Variants in DDR2 observed in about 807,000 individuals in gnomAD.
DDR2 encodes the protein discoidin domain receptor tyrosine kinase 2.
A neutral mutation model predicts 94.9 loss-of-function variants in DDR2; 27 were observed. That is an observed-to-expected ratio of 0.28 (90% confidence interval 0.21 to 0.39). The LOEUF (loss-of-function observed/expected upper bound fraction) is 0.39, where lower values mean the gene tolerates loss of function less well. Among genes scored for constraint, DDR2 ranks in the 10% least tolerant of loss-of-function variants. The probability of loss-of-function intolerance (pLI) is 1.00; values close to 1 mark genes in which losing one functional copy is unlikely to be tolerated. For synonymous variants in DDR2, 382 were observed against 377.2 expected (o/e 1.01, Z -0.15); for missense variants, 783 against 1,076.0 (o/e 0.73, Z 3.81).
chr1:162,650,901 G>C (rs948095849), intron 1 of DDR2, among the ~76,000 whole-genome samples: 1 of 152,044 alleles, frequency 6.6e-6, no homozygotes, highest in Non-Finnish European at 1.5e-5. Context: ...GCTAATTTTT[G>C]TATTTTTAGT....
intron 7 of DDR2, among the ~76,000 whole-genome samples, chr1:162,758,925 A>G (rs2665494): frequency 5.9e-5 from 9 of 152,266 alleles, no homozygotes; most frequent in African/African-American, 1.7e-4. Context: ...CTGTCCCTCC[A>G]TAAAAAGAAG....
chr1:162,757,896 G>A (rs1663534478), intron 7 of DDR2, among the ~76,000 whole-genome samples: 1 of 152,138 alleles, frequency 6.6e-6, no homozygotes, highest in African/African-American at 2.4e-5. Context: ...GTGAGAAAAA[G>A]GGTCAGATGA....
intron 3 of DDR2, among the ~76,000 whole-genome samples, chr1:162,725,178 T>C (rs1377904384): frequency 6.6e-6 from 1 of 152,146 alleles, no homozygotes; most frequent in Admixed American, 6.6e-5. Context: ...TATATAATAG[T>C]AGTATTATTA....
At chr1:162,679,192 C>T (rs1571187524) in intron 2 of DDR2, among the ~76,000 whole-genome samples, 1 of 152,042 alleles carries the variant, frequency 6.6e-6, no homozygotes, top group Non-Finnish European at 1.5e-5. Flanking sequence ...TCTCTCCCTC[C>T]TCCCACTGAC....
At position 162,773,613 on chromosome 1, in the gene DDR2, T is replaced by G; in HGVS notation, c.1856+17T>G. On this transcript the variant is annotated intron_variant, in intron 14 of 17. Coordinates refer to ENST00000367921, the MANE Select transcript of DDR2 (RefSeq NM_006182.4). ...GAATGCCAGGTCTGTGGTCTACATT[T>G]TGAATTTTCCTTTAGGTATTTCATC... The G allele has an allele frequency of 1.9e-6, 3 of 1,613,708 alleles. No homozygotes were observed. Among genetic ancestry groups the G allele is most frequent in the Non-Finnish European group, 2.5e-6 (3 of 1,179,704 alleles).
At chr1:162,635,812 C>T (rs1656790096) in intron 1 of DDR2, among the ~76,000 whole-genome samples, 1 of 152,222 alleles carries the variant, frequency 6.6e-6, no homozygotes, top group African/African-American at 2.4e-5. Context: ...GTACTTTGAA[C>T]TGCTCCCCAG....
At chr1:162,751,589 C>T (rs542876250) in intron 3 of DDR2, among the ~76,000 whole-genome samples, 117 of 152,256 alleles carry the variant, frequency 7.7e-4, no homozygotes, top group African/African-American at 2.6e-3. Flanking sequence ...GACAGTGTGG[C>T]GATTCCTCAA....
At chr1:162,692,807 A>G (rs1446165679) in intron 2 of DDR2, among the ~76,000 whole-genome samples, 22 of 152,268 alleles carry the variant, frequency 1.4e-4, no homozygotes, top group Non-Finnish European at 3.2e-4. Flanking sequence ...ATGACCCAGC[A>G]TATGATATGA....
intron 2 of DDR2, among the ~76,000 whole-genome samples, chr1:162,708,836 A>G (rs183383370): frequency 6.6e-6 from 1 of 152,234 alleles, no homozygotes; most frequent in Admixed American, 6.5e-5. Context: ...CTTACTGAGT[A>G]CTTACTATAT....
chr1:162,678,041 G>T (rs1659223420), intron 2 of DDR2, among the ~76,000 whole-genome samples: 1 of 152,090 alleles, frequency 6.6e-6, no homozygotes, highest in African/African-American at 2.4e-5. Context: ...TGGTGAAACC[G>T]AAAGTCAGTA....
chr1:162,657,900 C>T (rs749282345), intron 2 of DDR2, among the ~76,000 whole-genome samples: 2 of 152,056 alleles, frequency 1.3e-5, no homozygotes, highest in Non-Finnish European at 2.9e-5. Flanking sequence ...CCTTCCAACG[C>T]CCCCACCTCG....
chr1:162,641,333 C>T (rs1377277962), intron 1 of DDR2, among the ~76,000 whole-genome samples: 1 of 152,202 alleles, frequency 6.6e-6, no homozygotes, highest in African/African-American at 2.4e-5. Flanking sequence ...GATCTTCACC[C>T]TAGTTGTCAC....
chr1:162,712,265 G>A (rs1251502989), intron 2 of DDR2, among the ~76,000 whole-genome samples: 7 of 149,522 alleles, frequency 4.7e-5, no homozygotes, highest in Non-Finnish European at 7.4e-5. Flanking sequence ...CTTATAGGTA[G>A]GAGCAAACCC....
chr1:162,672,390 T>G (rs2101939809), intron 2 of DDR2, among the ~76,000 whole-genome samples: 1 of 152,312 alleles, frequency 6.6e-6, no homozygotes, highest in South Asian at 2.1e-4. Context: ...CTTGACTTTT[T>G]GCGTTTCTAA....
chr1:162,759,997 T>G lies in DDR2; in HGVS notation c.855+18T>G. The G allele has an allele frequency of 1.2e-6, 2 of 1,613,868 alleles. No individual in the cohort carries two copies. Among genetic ancestry groups the G allele is most frequent in the Non-Finnish European group, 1.7e-6 (2 of 1,179,976 alleles). Reference sequence around the variant, plus strand: ...CCATGAAGGTCAGTGGGGTCGGGTGTGGTGGAACTTCTTTAAGGAGGCACA... The same window carrying G: ...CCATGAAGGTCAGTGGGGTCGGGTGGGGTGGAACTTCTTTAAGGAGGCACA... On this transcript the variant is annotated intron_variant, in intron 8 of 17. Coordinates refer to ENST00000367921, the MANE Select transcript of DDR2 (RefSeq NM_006182.4).
intron 2 of DDR2, among the ~76,000 whole-genome samples, chr1:162,672,613 A>G (rs1226871068): frequency 6.6e-6 from 1 of 152,106 alleles, no homozygotes; most frequent in Admixed American, 6.6e-5. Flanking sequence ...TGTATACTTT[A>G]TTGTTTCTTC....
intron 2 of DDR2, among the ~76,000 whole-genome samples, chr1:162,708,504 C>T (rs1456860971): frequency 6.6e-6 from 1 of 152,154 alleles, no homozygotes; most frequent in East Asian, 1.9e-4. Flanking sequence ...CTTTGAGTGG[C>T]TGAACTGGAA....
chr1:162,674,351 G>GTC lies in DDR2; in HGVS notation c.-28+18979_-28+18980dup, dbSNP rs751104821. 4.1e-4 allele frequency among the ~76,000 whole-genome samples: 63 copies of GTC among 152,242 alleles called. 1 individual carries two copies. The highest frequency in any genetic ancestry group is 4.9e-4 in the Non-Finnish European group (33 of 68,020). Reference sequence around the variant, plus strand: ...AGTGTTCAGTAAAGCAAAAGGGGTGGTCTGCTCTCACCAAAAGCAATTTGC... The same window carrying GTC: ...AGTGTTCAGTAAAGCAAAAGGGGTGGTCTCTGCTCTCACCAAAAGCAATTTGC... On this transcript the variant is annotated intron_variant, in intron 2 of 17. Transcript: ENST00000367921.
chr1:162,673,945 C>G (rs561923603), intron 2 of DDR2, among the ~76,000 whole-genome samples: 2 of 152,184 alleles, frequency 1.3e-5, no homozygotes, highest in African/African-American at 4.8e-5. Context: ...CACATACTCT[C>G]TCTCTAGGTA....
Sources: allele counts gnomAD v4.1 joint callset (sites outside exome capture counted in the v4.1 genomes callset), GRCh38; gene constraint gnomAD v4.1.1; transcripts MANE v1.5; gene names NCBI Gene and HGNC (gene_info 2026-07-23, HGNC 2026-07-21).